The following FUT8 variants were observed in gnomAD, a reference collection of about 807,000 sequenced individuals.
The protein encoded by FUT8 is fucosyltransferase 8, also known as alpha-(1,6)-fucosyltransferase.
FUT8 carries 29 observed loss-of-function variants against 71.3 expected under a neutral mutation model. The ratio of observed to expected loss-of-function variants is 0.41; its 90% CI spans 0.30 to 0.55. FUT8 has a LOEUF of 0.55. Ranked by LOEUF, FUT8 falls within the 20% of genes least tolerant of loss-of-function variation. The pLI is 0.34. For synonymous variants in FUT8, 254 were observed against 239.3 expected (o/e 1.06, Z -0.57); for missense variants, 544 against 702.1 (o/e 0.77, Z 2.55).
At chr14:65,703,122 T>G (rs1894391390) in intron 7 of FUT8, among the ~76,000 whole-genome samples, 2 of 152,232 alleles carry the variant, frequency 1.3e-5, no homozygotes. Flanking sequence ...GTCCAAGTTC[T>G]AAAGAAAGTT....
chr14:65,712,045 C>T (rs1174206771), intron 7 of FUT8, among the ~76,000 whole-genome samples: 1 of 152,146 alleles, frequency 6.6e-6, no homozygotes, highest in Non-Finnish European at 1.5e-5. Flanking sequence ...TTTAATGGTA[C>T]AGTGATTTTT....
chr14:65,705,619 A>G (rs1894517831), intron 7 of FUT8, among the ~76,000 whole-genome samples: 1 of 152,252 alleles, frequency 6.6e-6, no homozygotes, highest in Admixed American at 6.5e-5. Context: ...CTAGAAGTCC[A>G]GATAGTCTTT....
At chr14:65,656,796 A>T (rs1891703926) in intron 6 of FUT8, among the ~76,000 whole-genome samples, 1 of 152,210 alleles carries the variant, frequency 6.6e-6, no homozygotes, top group Admixed American at 6.5e-5. Flanking sequence ...ACAGCATGGT[A>T]CCGGCATATA....
intron 7 of FUT8, among the ~76,000 whole-genome samples, chr14:65,680,980 T>G (rs1047166713): frequency 6.6e-6 from 1 of 152,240 alleles, no homozygotes; most frequent in Admixed American, 6.5e-5. Context: ...ACTGATATAC[T>G]GGGAACATGT....
At chr14:65,640,444 CAT>C (rs1167705896) in intron 6 of FUT8, among the ~76,000 whole-genome samples, 6 of 151,984 alleles carry the variant, frequency 3.9e-5, no homozygotes, top group African/African-American at 1.4e-4. Context: ...ATTTTTGGAA[CAT>C]ATTTTTAATG....
chr14:65,547,783 G>A lies in FUT8; in HGVS notation c.-227-13554G>A, dbSNP rs117540697. On this transcript the variant is annotated intron_variant, in intron 2 of 10. Transcript: ENST00000673929. ...AATTAGCAAAGAGAGTACAGTCACT[G>A]TATACTCTTTGCCCATGTTCCCCTA... Among the ~76,000 whole-genome samples the A allele has an allele frequency of 2.1e-3, 315 of 151,906 alleles. 3 individuals are homozygous for A. The highest frequency in any genetic ancestry group is 3.7e-3 in the Non-Finnish European group (253 of 67,762).
intron 5 of FUT8, among the ~76,000 whole-genome samples, chr14:65,619,698 A>T (rs1012452431): frequency 2.0e-5 from 3 of 152,170 alleles, no homozygotes; most frequent in Non-Finnish European, 4.4e-5. Flanking sequence ...AGAGTAGCAT[A>T]TTAATTATTA....
intron 1 of FUT8, among the ~76,000 whole-genome samples, chr14:65,439,605 T>C (rs753626190): frequency 1.3e-5 from 2 of 152,102 alleles, no homozygotes; most frequent in Non-Finnish European, 2.9e-5. Context: ...TGGTACATAA[T>C]TCATACTGTC....
chr14:65,719,995 C>G (rs970697272), intron 7 of FUT8, among the ~76,000 whole-genome samples: 3 of 152,204 alleles, frequency 2.0e-5, no homozygotes, highest in Non-Finnish European at 4.4e-5. Context: ...TTCTAGGGCT[C>G]TATAATGAGC....
intron 2 of FUT8, among the ~76,000 whole-genome samples, chr14:65,487,727 G>A (rs908675148): frequency 1.3e-5 from 2 of 151,836 alleles, no homozygotes; most frequent in Non-Finnish European, 2.9e-5. Flanking sequence ...TCTTGATTTT[G>A]GAAGGCGCTG....
chr14:65,670,812 C>T (rs1892441259), intron 7 of FUT8, among the ~76,000 whole-genome samples: 1 of 152,120 alleles, frequency 6.6e-6, no homozygotes, highest in South Asian at 2.1e-4. Context: ...AGTTGCTCTG[C>T]AAGAGGTCCT....
At chr14:65,387,234 G>C in the FUT8 span, among the ~76,000 whole-genome samples, 1 of 152,170 alleles carries the variant, frequency 6.6e-6, no homozygotes, top group Non-Finnish European at 1.5e-5. Flanking sequence ...TCTGAGGCTT[G>C]CATGTAAACT....
At chr14:65,698,106 T>G (rs910981953) in intron 7 of FUT8, among the ~76,000 whole-genome samples, 2 of 152,198 alleles carry the variant, frequency 1.3e-5, no homozygotes, top group African/African-American at 2.4e-5. Context: ...ATAAATGAAT[T>G]TCAATATTTA....
At chr14:65,606,230 C>T (rs996829637) in intron 3 of FUT8, among the ~76,000 whole-genome samples, 1 of 150,840 alleles carries the variant, frequency 6.6e-6, no homozygotes, top group Non-Finnish European at 1.5e-5. Flanking sequence ...CTGCCACCAA[C>T]CCTGGCTAAT....
At chr14:65,609,418 G>C (rs1888761900) in intron 3 of FUT8, among the ~76,000 whole-genome samples, 1 of 151,690 alleles carries the variant, frequency 6.6e-6, no homozygotes, top group East Asian at 1.9e-4. Flanking sequence ...TTCTTTTGTG[G>C]ATCACACCTT....
chr14:65,554,433 T>TTATA (rs34853473), intron 2 of FUT8, among the ~76,000 whole-genome samples: 17,809 of 143,342 alleles, frequency 0.12, 1,378 homozygotes, highest in East Asian at 0.33. Context: ...TATATATATA[T>TTATA]TATATATATA....
At chr14:65,554,224 A>G (rs925646645) in intron 2 of FUT8, among the ~76,000 whole-genome samples, 3 of 151,796 alleles carry the variant, frequency 2.0e-5, no homozygotes, top group African/African-American at 7.2e-5. Context: ...GATATAGTCC[A>G]TTTAGCATTT....
intron 5 of FUT8, among the ~76,000 whole-genome samples, chr14:65,618,443 G>C (rs1250498370): frequency 6.6e-6 from 1 of 152,060 alleles, no homozygotes; most frequent in East Asian, 1.9e-4. Context: ...GGTAAGTAAA[G>C]GTACCCAAGT....
chr14:65,633,553 A>G (rs557960191), intron 6 of FUT8, among the ~76,000 whole-genome samples: 7,765 of 146,230 alleles, frequency 0.053, 295 homozygotes, highest in Non-Finnish European at 0.077. Context: ...CTTCCCGGCC[A>G]CCATCCCATC....
Sources: allele counts gnomAD v4.1 joint callset (sites outside exome capture counted in the v4.1 genomes callset), GRCh38; gene constraint gnomAD v4.1.1; transcripts MANE v1.5; gene names NCBI Gene and HGNC (gene_info 2026-07-23, HGNC 2026-07-21).